The following ZNF385D variants were observed in gnomAD, a reference collection of about 807,000 sequenced individuals.
ZNF385D encodes zinc finger protein 659.
Under a neutral mutation model 35.8 loss-of-function variants are expected in ZNF385D, and 15 were observed. The ratio of observed to expected loss-of-function variants is 0.42; its 90% CI spans 0.28 to 0.64. The LOEUF (loss-of-function observed/expected upper bound fraction) is 0.64. ZNF385D is among the 30% of genes least tolerant of loss of function. The pLI is 0.23. For synonymous variants in ZNF385D, 212 were observed against 186.8 expected, an observed-to-expected ratio of 1.13 and a Z score of -1.10; for missense variants, 474 against 494.6, an observed-to-expected ratio of 0.96 and a Z score of 0.39.
intron 2 of ZNF385D, among the ~76,000 whole-genome samples, chr3:22,305,934 A>C (rs982787956): frequency 6.6e-6 from 1 of 152,174 alleles, no homozygotes; most frequent in Non-Finnish European, 1.5e-5. Context: ...CTACCTTCCT[A>C]GGTTAGCACT....
chr3:21,751,271 C>G (rs1289139946), upstream of ZNF385D: 24 of 1,114,738 alleles, frequency 2.2e-5, no homozygotes, highest in Non-Finnish European at 2.6e-5. Flanking sequence ...AGCAGCCGCT[C>G]CACGAGGTGC....
intron 1 of ZNF385D, among the ~76,000 whole-genome samples, chr3:21,686,561 C>A (rs1215123795): frequency 6.6e-6 from 1 of 152,040 alleles, no homozygotes; most frequent in Non-Finnish European, 1.5e-5. Flanking sequence ...TTTTATTCAA[C>A]CCAAATAAAG....
chr3:21,431,364 A>T (rs1701284953), intron 5 of ZNF385D, among the ~76,000 whole-genome samples: 1 of 152,166 alleles, frequency 6.6e-6, no homozygotes, highest in Admixed American at 6.6e-5. Context: ...ACCTGAAATC[A>T]TTTACTATCA....
intron 2 of ZNF385D, among the ~76,000 whole-genome samples, chr3:22,185,407 G>A (rs753588451): frequency 3.3e-5 from 5 of 152,088 alleles, no homozygotes; most frequent in Admixed American, 1.3e-4. Flanking sequence ...CATGGACAGT[G>A]GCAATCTCTT....
chr3:21,710,488 A>G (rs2068060747), intron 1 of ZNF385D, among the ~76,000 whole-genome samples: 1 of 152,086 alleles, frequency 6.6e-6, no homozygotes, highest in African/African-American at 2.4e-5. Flanking sequence ...TGTGTTTTTC[A>G]TAATCCTCCA....
chr3:22,181,042 T>C (rs548830393), intron 2 of ZNF385D, among the ~76,000 whole-genome samples: 14 of 151,890 alleles, frequency 9.2e-5, no homozygotes, highest in African/African-American at 3.1e-4. Flanking sequence ...ACTTTGGTGA[T>C]TTCAACTGCT....
At chr3:22,259,940 C>T (rs1700534041) in intron 2 of ZNF385D, among the ~76,000 whole-genome samples, 1 of 151,856 alleles carries the variant, frequency 6.6e-6, no homozygotes, top group Non-Finnish European at 1.5e-5. Context: ...CTTTCAATAA[C>T]CTCAAAATGT....
intron 3 of ZNF385D, among the ~76,000 whole-genome samples, chr3:22,030,278 T>TACATAC (rs1189254376): frequency 9.1e-6 from 1 of 110,472 alleles, no homozygotes; most frequent in Non-Finnish European, 1.8e-5. Flanking sequence ...TATATATATA[T>TACATAC]ATATATATAT....
At chr3:22,300,952 T>C (rs1253160449) in intron 2 of ZNF385D, among the ~76,000 whole-genome samples, 4 of 152,040 alleles carry the variant, frequency 2.6e-5, no homozygotes, top group South Asian at 2.1e-4. Context: ...TCCAAAGGAA[T>C]TGAAATCAGT....
chr3:21,436,871 T>C, intron 5 of ZNF385D, 99 bp downstream of exon 5: 1 of 1,126,106 alleles, frequency 8.9e-7, no homozygotes, highest in African/African-American at 1.6e-5. Context: ...ATTGCCAGTT[T>C]TCCTCCACCC....
chr3:22,183,696 A>G (rs908592830), intron 2 of ZNF385D, among the ~76,000 whole-genome samples: 1 of 151,740 alleles, frequency 6.6e-6, no homozygotes. Context: ...ATTAATACAT[A>G]TATTTTCATT....
chr3:21,446,418 T>A (rs1702149024), intron 4 of ZNF385D, among the ~76,000 whole-genome samples: 1 of 148,406 alleles, frequency 6.7e-6, no homozygotes, highest in African/African-American at 2.5e-5. Context: ...AGCTAGTTAC[T>A]CTAAAAGAGA....
chr3:22,146,836 G>T (rs1244374780), intron 3 of ZNF385D, among the ~76,000 whole-genome samples: 1 of 152,046 alleles, frequency 6.6e-6, no homozygotes, highest in Non-Finnish European at 1.5e-5. Flanking sequence ...TGAAAATAAG[G>T]GAATCTGTAA....
chr3:21,830,825 C>A (rs958745015), intron 3 of ZNF385D, among the ~76,000 whole-genome samples: 7 of 152,152 alleles, frequency 4.6e-5, no homozygotes, highest in Non-Finnish European at 1.0e-4. Flanking sequence ...TTTGCCATTG[C>A]CTTGGGGTAG....
At chr3:22,111,279 C>G (rs943141979) in intron 3 of ZNF385D, among the ~76,000 whole-genome samples, 1 of 142,814 alleles carries the variant, frequency 7.0e-6, no homozygotes, top group African/African-American at 2.6e-5. Flanking sequence ...AGATTAGAAA[C>G]TTCTAGAAGG....
In ZNF385D at chr3:22,364,814, G is replaced by C. The variant is rs992126304; in HGVS notation, c.106+7636C>G. Among the ~76,000 whole-genome samples, 4 of 152,038 alleles carry C rather than the reference G, an allele frequency of 2.6e-5. No individual in the cohort carries two copies. In the South Asian group the frequency reaches 6.2e-4, roughly 24 times the overall value. ...ATGTTTACAGCAACATTAAACCGAA[G>C]CAGCCTTATACAACAGCTAAACAAA... On this transcript the variant is annotated intron_variant, in intron 2 of 5. Transcript: ENST00000494108.
chr3:21,841,214 C>T (rs1016390831), intron 3 of ZNF385D, among the ~76,000 whole-genome samples: 3 of 151,978 alleles, frequency 2.0e-5, no homozygotes, highest in African/African-American at 2.4e-5. Context: ...TGATAACAGA[C>T]GTAACTCATT....
At chr3:21,903,715 C>A (rs1047501743) in intron 3 of ZNF385D, among the ~76,000 whole-genome samples, 1 of 152,098 alleles carries the variant, frequency 6.6e-6, no homozygotes, top group South Asian at 2.1e-4. Context: ...TCCATGAACA[C>A]GTCTCTCTGG....
intron 2 of ZNF385D, among the ~76,000 whole-genome samples, chr3:22,216,128 GATT>G (rs1425303742): frequency 6.6e-6 from 1 of 151,818 alleles, no homozygotes; most frequent in African/African-American, 2.4e-5. Context: ...TTAAAATTTA[GATT>G]ATTTCCTCTG....
Sources: gnomAD v4.1 joint callset for allele counts (sites outside exome capture counted in the v4.1 genomes callset) on GRCh38, gnomAD v4.1.1 for gene constraint, MANE v1.5 for transcripts, NCBI Gene and HGNC (gene_info 2026-07-23, HGNC 2026-07-21) for gene names.